Variants in MAST3 observed in about 807,000 individuals in gnomAD.
MAST3 encodes the protein microtubule-associated serine/threonine-protein kinase 3.
Under a neutral mutation model 127.0 loss-of-function variants are expected in MAST3, and 43 were observed. The observed-to-expected ratio is 0.34, with a 90% CI of 0.27 to 0.44. The LOEUF (loss-of-function observed/expected upper bound fraction) is 0.44, where lower values mean the gene tolerates loss of function less well. Among genes scored for constraint, MAST3 ranks in the 20% least tolerant of loss-of-function variants. The pLI is 1.00. For missense variants in MAST3, 1,390 were observed against 1,919.1 expected, an observed-to-expected ratio of 0.72 and a Z score of 5.15; for synonymous variants, 785 against 809.2, an observed-to-expected ratio of 0.97 and a Z score of 0.51.
In MAST3 at chr19:18,149,501, G is replaced by T. The variant is rs1273836660; in HGVS notation, c.3819G>T (p.Gly1273=). Residue 1273 remains glycine, a synonymous_variant, in exon 28 of 28, where the codon GGG becomes GGT. Transcript: ENST00000687212. The surrounding 1 kb of genome is among the most constrained non-coding windows in gnomAD (Gnocchi z 5.9). ...TGGGCACAGGGGAGCGGCTGGATGG[G>T]GAGGCGGGGCGGCGCACTCGTGGGC... ...DKLGTGERLD[G]EAGRRTRGPE... is the part of the protein sequence containing the mutation. The T allele has an allele frequency of 1.3e-6, 2 of 1,547,178 alleles. No individual in the cohort carries two copies. The highest frequency in any genetic ancestry group is 1.7e-6 in the Non-Finnish European group (2 of 1,146,030).
chr19:18,105,279 A>C (rs576244492), intron 1 of MAST3, among the ~76,000 whole-genome samples: 1 of 152,272 alleles, frequency 6.6e-6, no homozygotes, highest in South Asian at 2.1e-4. Context: ...AGTCAGGAGA[A>C]TCGCTTGAAC....
intron 5 of MAST3, chr19:18,122,157 G>T: frequency 4.1e-6 from 4 of 983,458 alleles, no homozygotes; most frequent in Non-Finnish European, 4.8e-6. Flanking sequence ...GGGGTGGGGG[G>T]TCATGGGGGG....
Position 18,105,962 on chromosome 19 carries a change from G to A in MAST3, c.40-1625G>A, listed in dbSNP as rs559617578. On this transcript the variant is annotated intron_variant, in intron 1 of 27. Coordinates refer to ENST00000687212, the MANE Select transcript of MAST3 (RefSeq NM_001393504.1). Reference sequence around the variant, plus strand: ...TCAGACCTAGACCCAGGAGGAGAGGGACATCTGAGATGGGACAGGGAGAGG... The same window carrying A: ...TCAGACCTAGACCCAGGAGGAGAGGAACATCTGAGATGGGACAGGGAGAGG... 2.6e-5 allele frequency among the ~76,000 whole-genome samples: 4 copies of A among 152,292 alleles called. No individual in the cohort carries two copies. In the East Asian group the frequency reaches 7.7e-4, roughly 29 times the overall value.
chr19:18,141,562 G>A (rs1441049677), intron 20 of MAST3, among the ~76,000 whole-genome samples: 6 of 151,230 alleles, frequency 4.0e-5, no homozygotes, highest in Non-Finnish European at 7.4e-5. Context: ...TAGTAGAGAC[G>A]GGTTTTCACC....
At chr19:18,113,907 C>G (rs948019316) in intron 3 of MAST3, among the ~76,000 whole-genome samples, 1 of 152,246 alleles carries the variant, frequency 6.6e-6, no homozygotes, top group Non-Finnish European at 1.5e-5. Context: ...CTTGCAACTT[C>G]CCTGCTTCCA....
Position 18,144,980 on chromosome 19 carries a change from A to G in MAST3, c.2813-23A>G, listed in dbSNP as rs1485264030. 5.4e-6 allele frequency: 6 copies of G among 1,120,426 alleles called. No individual in the cohort carries two copies. Among genetic ancestry groups the G allele is most frequent in the Non-Finnish European group, 8.0e-6 (6 of 746,730 alleles). The allele number at this position is 1,120,426 out of a possible 1,614,324, so 69.4% of individuals were successfully genotyped here. A position where few individuals can be genotyped will look rare whatever the true frequency, so the allele number is the denominator to read the frequency against. On this transcript the variant is annotated intron_variant, in intron 23 of 27. Coordinates refer to ENST00000687212, the MANE Select transcript of MAST3 (RefSeq NM_001393504.1). The surrounding 1 kb of genome is among the most constrained non-coding windows in gnomAD (Gnocchi z 4.0). ...GGGGAGACCTGTGAGGGAGTGAGTGACCCCCTCCCTAACCCCCTGCAGATG... is the reference window on the plus strand; with the variant it reads ...GGGGAGACCTGTGAGGGAGTGAGTGGCCCCCTCCCTAACCCCCTGCAGATG...
rs761218576 is a variant in MAST3, at chr19:18,147,043, C to A, written c.3325C>A (p.Arg1109=). The A allele has an allele frequency of 7.8e-6, 12 of 1,547,816 alleles. No individual in the cohort carries two copies. The Admixed American group carries it at 2.3e-4, about 30-fold the overall frequency. ...GTGCGCGGCAGTGACCACCAGGGAG[C>A]GGTACACAGGGGGCGGGGCCACGGG... ...DRCAAVTTRE[R]RKSLFKKISK... The change falls in exon 26 of 28, where the codon CGG becomes AGG. Residue 1109 remains arginine (R), a splice_region_variant and synonymous_variant. Coordinates refer to ENST00000687212, the MANE Select transcript of MAST3 (RefSeq NM_001393504.1).
At chr19:18,140,207 C>G (rs1005961243) in intron 20 of MAST3, among the ~76,000 whole-genome samples, 17 of 139,588 alleles carry the variant, frequency 1.2e-4, no homozygotes, top group African/African-American at 4.6e-4. Context: ...TGGTGAAGCC[C>G]TGTCTCTACT....
chr19:18,147,087 CT>C (rs1356281931), intron 26 of MAST3, 43 bp downstream of exon 26: 1 of 1,216,798 alleles, frequency 8.2e-7, no homozygotes. Flanking sequence ...TTCTTTTTTT[CT>C]TTTCTTTTTC....
chr19:18,127,652 C>A (rs1210401811), intron 11 of MAST3, among the ~76,000 whole-genome samples: 2 of 152,140 alleles, frequency 1.3e-5, no homozygotes. Flanking sequence ...CCACTGCACT[C>A]CAGCCTGGGC....
chr19:18,124,319 A>C lies in MAST3; in HGVS notation c.898A>C (p.Lys300Gln). 6.2e-7 allele frequency: 1 copy of C among 1,610,078 alleles called. No homozygotes were observed. Among genetic ancestry groups the C allele is most frequent in the Non-Finnish European group, 8.5e-7 (1 of 1,178,166 alleles). Reference protein sequence around the residue: ...EVSFIVQLVRKLLIIISRPAR... With the variant: ...EVSFIVQLVRQLLIIISRPAR... ...CAGCTTCATCGTCCAGCTTGTCCGG[A>C]AACTGCTGATCATCATCTCACGGCC... is the stretch of plus-strand genomic sequence containing the variant. Residue 300 changes from lysine (K) to glutamine (Q), a missense_variant, in exon 10 of 28, where the codon AAA becomes CAA. Lys to Gln is a moderately conservative substitution (Grantham distance 53, BLOSUM62 1). This residue lies in a region of MAST3 where 277 missense variants were observed against 384.8 expected (regional missense o/e 0.72). Transcript: ENST00000687212.
At chr19:18,131,350 G>C (rs2041257959) in intron 14 of MAST3, among the ~76,000 whole-genome samples, 1 of 142,710 alleles carries the variant, frequency 7.0e-6, no homozygotes, top group Admixed American at 6.9e-5. Context: ...CTGCACTCTA[G>C]CCTGGGCAAC....
At position 18,134,718 on chromosome 19, in the gene MAST3, G is replaced by A. The variant is rs1418253686; in HGVS notation, c.1704+7G>A. 3 of 1,612,330 alleles carry A rather than the reference G, an allele frequency of 1.9e-6. No homozygotes were observed. The highest frequency in any genetic ancestry group is 1.7e-6 in the Non-Finnish European group (2 of 1,178,718). On this transcript the variant is annotated splice_region_variant and intron_variant, in intron 16 of 27. Coordinates refer to ENST00000687212, the MANE Select transcript of MAST3 (RefSeq NM_001393504.1). ...AGAGTTCATCGACAAGCAGGTGGGC[G>A]GGCAGGTGGGTGGGCAGCCCCGGGA...
chr19:18,128,761 A>G, intron 12 of MAST3, 105 bp from the exon 13 acceptor site: 1 of 871,790 alleles, frequency 1.1e-6, no homozygotes, highest in Non-Finnish European at 1.9e-6. Flanking sequence ...TGGACAGGGG[A>G]GGAGGTAGCA....
At chr19:18,137,392 G>T in intron 19 of MAST3, 31 bp downstream of exon 19, 1 of 1,603,032 alleles carries the variant, frequency 6.2e-7, no homozygotes. Flanking sequence ...AGGGGGGGCG[G>T]GGGGTGCTCT....
chr19:18,101,879 A>ACT (rs1322238085), intron 1 of MAST3, among the ~76,000 whole-genome samples: 2 of 106,584 alleles, frequency 1.9e-5, no homozygotes, highest in African/African-American at 3.6e-5. Flanking sequence ...ATGGCCTCAA[A>ACT]CTCTTTTTTT....
intron 3 of MAST3, among the ~76,000 whole-genome samples, chr19:18,120,299 G>T (rs759646309): frequency 6.6e-6 from 1 of 152,178 alleles, no homozygotes; most frequent in African/African-American, 2.4e-5. Flanking sequence ...TTCAAGAGGG[G>T]TATATAGAAT....
At chr19:18,137,034 C>T (rs558485615) in intron 18 of MAST3, among the ~76,000 whole-genome samples, 12 of 152,270 alleles carry the variant, frequency 7.9e-5, no homozygotes, top group Non-Finnish European at 1.8e-4. Context: ...GCTGGCCAGA[C>T]TGGTCTCGAA....
Position 18,146,938 on chromosome 19 carries a change from G to T in MAST3, c.3220G>T (p.Gly1074Cys). The change falls in exon 26 of 28, where the codon GGC becomes TGC. Residue 1074 changes from glycine (G) to cysteine (C), a missense_variant. Around this residue, in one of 5 missense-constraint regions of MAST3, gnomAD observed 816 missense variants for 934.1 expected, o/e 0.87. Transcript: ENST00000687212. ...CCTGGAGAACACCTCCATCAAGGTG[G>T]GCCCCGCCCGGAAGAATGTGGCCAA... ...TALENTSIKV[G>C]PARKNVAKGR... 1 of 1,558,562 alleles carries T rather than the reference G, an allele frequency of 6.4e-7. No individual in the cohort carries two copies. The highest frequency in any genetic ancestry group is 1.2e-5 in the South Asian group (1 of 84,446).
Sources: gnomAD v4.1 joint callset for allele counts (sites outside exome capture counted in the v4.1 genomes callset) on GRCh38, gnomAD v4.1.1 for gene constraint, gnomAD v4.1.1 regional missense constraint, Gnocchi (gnomAD v3.1) non-coding constraint, MANE v1.5 for transcripts, NCBI Gene and HGNC (gene_info 2026-07-23, HGNC 2026-07-21) for gene names.